WWOX: variants seen among roughly 807,000 people sequenced by gnomAD.
The protein encoded by WWOX is WW domain containing oxidoreductase.
Under a neutral mutation model 46.2 loss-of-function variants are expected in WWOX, and 69 were observed. That is an observed-to-expected ratio of 1.49 (90% confidence interval 1.23 to 1.82). The LOEUF (loss-of-function observed/expected upper bound fraction) is 1.82. Among genes scored for constraint, WWOX ranks in the 40% most tolerant of loss-of-function variants. WWOX has a pLI of 0.00. For synonymous variants in WWOX, 359 were observed against 202.6 expected (o/e 1.77, Z -6.56); for missense variants, 919 against 542.6 (o/e 1.69, Z -6.89).
intron 8 of WWOX, among the ~76,000 whole-genome samples, chr16:78,601,975 A>G (rs1374818442): frequency 6.6e-6 from 1 of 152,218 alleles, no homozygotes; most frequent in Admixed American, 6.5e-5. Context: ...GTGTCTGTCT[A>G]ACAATAAATT....
At chr16:78,540,020 TCACACACACACA>T (rs71140810) in intron 8 of WWOX, among the ~76,000 whole-genome samples, 5 of 132,924 alleles carry the variant, frequency 3.8e-5, no homozygotes, top group South Asian at 4.9e-4. Context: ...TCTCTCTCTC[TCACACACACACA>T]CACACACACA....
intron 4 of WWOX, among the ~76,000 whole-genome samples, chr16:78,146,755 ACCTG>A (rs1291097345): frequency 6.6e-6 from 1 of 152,122 alleles, no homozygotes; most frequent in African/African-American, 2.4e-5. Context: ...CCCTGTGGGA[ACCTG>A]GGTGCTGTAA....
At chr16:78,858,658 T>G (rs2052627186) in intron 8 of WWOX, among the ~76,000 whole-genome samples, 1 of 151,970 alleles carries the variant, frequency 6.6e-6, no homozygotes, top group South Asian at 2.1e-4. Context: ...ACCTGTCATG[T>G]TTGAATTGTG....
At chr16:78,792,676 C>T (rs900454645) in intron 8 of WWOX, among the ~76,000 whole-genome samples, 1 of 152,136 alleles carries the variant, frequency 6.6e-6, no homozygotes, top group Admixed American at 6.6e-5. Context: ...TTGGGGCAGA[C>T]AATGGATAGA....
chr16:78,941,208 C>T (rs151183519), intron 8 of WWOX, among the ~76,000 whole-genome samples: 1 of 152,124 alleles, frequency 6.6e-6, no homozygotes, highest in Non-Finnish European at 1.5e-5. Context: ...ATAAATCTAT[C>T]ATGTAGTGGA....
intron 8 of WWOX, among the ~76,000 whole-genome samples, chr16:78,665,608 C>T (rs748844801): frequency 6.6e-6 from 1 of 152,018 alleles, no homozygotes; most frequent in African/African-American, 2.4e-5. Context: ...TTCCGATTGC[C>T]CTGTCAGGGT....
intron 8 of WWOX, among the ~76,000 whole-genome samples, chr16:78,970,346 G>C (rs916037261): frequency 1.3e-5 from 2 of 152,180 alleles, no homozygotes; most frequent in African/African-American, 2.4e-5. Context: ...CTAGTTCACT[G>C]TGAATGGTTT....
intron 8 of WWOX, among the ~76,000 whole-genome samples, chr16:79,038,207 C>G (rs1423314000): frequency 1.3e-5 from 2 of 152,108 alleles, no homozygotes; most frequent in Non-Finnish European, 2.9e-5. Context: ...CCTGTTGGCC[C>G]TTTGCAAATA....
intron 8 of WWOX, among the ~76,000 whole-genome samples, chr16:79,163,813 AAAAAG>A (rs1183580332): frequency 1.6e-5 from 2 of 126,014 alleles, no homozygotes; most frequent in Non-Finnish European, 3.3e-5. Context: ...AAAAAAAAAA[AAAAAG>A]AGAGAGAGAA....
chr16:78,756,107 A>G (rs899532091), intron 8 of WWOX, among the ~76,000 whole-genome samples: 2 of 152,166 alleles, frequency 1.3e-5, no homozygotes, highest in Admixed American at 1.3e-4. Context: ...AGAATGATGG[A>G]AAGGGGAGGA....
At chr16:78,574,730 A>G (rs1597290315) in intron 8 of WWOX, among the ~76,000 whole-genome samples, 2 of 151,734 alleles carry the variant, frequency 1.3e-5, no homozygotes, top group South Asian at 2.1e-4. Flanking sequence ...CTGACTAACA[A>G]TGTGGAATCT....
At position 78,702,100 on chromosome 16, in the gene WWOX, TTATATATA is replaced by T. The variant is rs72067397; in HGVS notation, c.1056+269364_1056+269371del. Among the ~76,000 whole-genome samples the T allele has an allele frequency of 1.1e-3, 88 of 81,228 alleles. 1 individual carries two copies. Among genetic ancestry groups the T allele is most frequent in the Non-Finnish European group, 1.6e-3 (75 of 46,980 alleles). 53.3% of individuals were successfully genotyped at this position (81,228 alleles called of 152,430 possible). A position where few individuals can be genotyped will look rare whatever the true frequency, so the allele number is the denominator to read the frequency against. ...AAGTTTTATATTTATATCTATAAAG[TTATATATA>T]TATATATATATATATTTATTTATTT... is the stretch of plus-strand genomic sequence containing the variant. On this transcript the variant is annotated intron_variant, in intron 8 of 8. Coordinates refer to ENST00000566780, the MANE Select transcript of WWOX (RefSeq NM_016373.4).
intron 8 of WWOX, among the ~76,000 whole-genome samples, chr16:78,939,311 C>T (rs1029448330): frequency 1.3e-5 from 2 of 152,178 alleles, no homozygotes; most frequent in Non-Finnish European, 2.9e-5. Context: ...GGTGTGTTTG[C>T]CATCCTCAGT....
At chr16:78,825,807 G>T (rs2151150306) in intron 8 of WWOX, 6 of 594,672 alleles carry the variant, frequency 1.0e-5, no homozygotes, top group Non-Finnish European at 1.9e-5. Flanking sequence ...GTGCTGCTCA[G>T]ATAGGGTTTT....
intron 8 of WWOX, among the ~76,000 whole-genome samples, chr16:78,492,461 C>G (rs1567604153): frequency 6.6e-6 from 1 of 152,102 alleles, no homozygotes; most frequent in Non-Finnish European, 1.5e-5. Flanking sequence ...ATTCAGCATC[C>G]AATCCACATT....
chr16:78,618,961 T>A (rs564408725), intron 8 of WWOX, among the ~76,000 whole-genome samples: 2 of 149,530 alleles, frequency 1.3e-5, no homozygotes, highest in Non-Finnish European at 3.0e-5. Context: ...ACAAAGACTT[T>A]AAGATACTGA....
At chr16:79,089,489 G>A (rs1008409749) in intron 8 of WWOX, among the ~76,000 whole-genome samples, 2 of 151,884 alleles carry the variant, frequency 1.3e-5, no homozygotes, top group East Asian at 1.9e-4. Context: ...ACGCCACCAC[G>A]CCTGGCTAAT....
At chr16:78,793,416 G>C (rs2142609067) in intron 8 of WWOX, among the ~76,000 whole-genome samples, 1 of 152,218 alleles carries the variant, frequency 6.6e-6, no homozygotes, top group East Asian at 1.9e-4. Flanking sequence ...CTATACGGCT[G>C]CTCTCCACTC....
chr16:79,130,451 G>A (rs11862546), intron 8 of WWOX, among the ~76,000 whole-genome samples: 35,790 of 152,044 alleles, frequency 0.24, 4,435 homozygotes, highest in East Asian at 0.37. Flanking sequence ...TCAGTTCTAC[G>A]TAAAAACAGG....
Sources: allele counts gnomAD v4.1 joint callset (sites outside exome capture counted in the v4.1 genomes callset), GRCh38; gene constraint gnomAD v4.1.1; transcripts MANE v1.5; gene names NCBI Gene and HGNC (gene_info 2026-07-23, HGNC 2026-07-21).